ANXA7: variants seen among roughly 807,000 people sequenced by gnomAD.
ANXA7 encodes annexin VII.
In ANXA7, 55 loss-of-function variants were observed where a neutral mutation model predicts 64.9. The observed-to-expected ratio is 0.85, with a 90% confidence interval of 0.68 to 1.06. The LOEUF (loss-of-function observed/expected upper bound fraction) is 1.06, where lower values mean the gene tolerates loss of function less well. ANXA7 is among the 50% of genes least tolerant of loss of function. The pLI is 0.00. For missense variants in ANXA7, 548 were observed against 582.1 expected (o/e 0.94, Z 0.60); for synonymous variants, 200 against 192.4 (o/e 1.04, Z -0.33).
intron 5 of ANXA7, among the ~76,000 whole-genome samples, chr10:73,391,028 C>T (rs904685675): frequency 4.0e-4 from 61 of 151,534 alleles, no homozygotes; most frequent in African/African-American, 1.3e-3. Context: ...AAATGCTGGG[C>T]GTGGTGGTGC....
At chr10:73,378,861 A>G (rs2055227747) in intron 12 of ANXA7, 50 bp downstream of exon 12, 1 of 1,395,486 alleles carries the variant, frequency 7.2e-7, no homozygotes, top group African/African-American at 1.4e-5. Context: ...TTAAGAAATC[A>G]ACATTGAACA....
chr10:73,407,930 G>A (rs944085131), intron 1 of ANXA7, among the ~76,000 whole-genome samples: 1 of 152,140 alleles, frequency 6.6e-6, no homozygotes, highest in Non-Finnish European at 1.5e-5. Context: ...CCAAAGGGCT[G>A]GATATAAAAA....
intron 1 of ANXA7, among the ~76,000 whole-genome samples, chr10:73,410,815 G>T: frequency 6.8e-6 from 1 of 147,924 alleles, no homozygotes; most frequent in South Asian, 2.1e-4. Flanking sequence ...AAAAACAATA[G>T]ATGTTGGTGT....
rs59482006 is a variant in ANXA7, at chr10:73,404,708, C to CTATATATATA, written c.-1-3861_-1-3852dup. Among the ~76,000 whole-genome samples the CTATATATATA allele has an allele frequency of 1.5e-4, 21 of 143,890 alleles. No individual in the cohort carries two copies. In the South Asian group the frequency reaches 1.6e-3, roughly 11 times the overall value. The allele number at this position is 143,890 out of a possible 152,430, so 94.4% of individuals were successfully genotyped here. Reference sequence around the variant, plus strand: ...CTAGTGTGGATAAAGACAAATATCCCTATATATATATATATATATATCTTT... The same window carrying CTATATATATA: ...CTAGTGTGGATAAAGACAAATATCCCTATATATATATATATATATATATATATATATCTTT... On this transcript the variant is annotated intron_variant, in intron 1 of 12. Transcript: ENST00000372921.
At chr10:73,408,776 C>T (rs185818425) in intron 1 of ANXA7, among the ~76,000 whole-genome samples, 4 of 152,272 alleles carry the variant, frequency 2.6e-5, no homozygotes, top group African/African-American at 7.2e-5. Flanking sequence ...AGGCTATTCA[C>T]TGCAGCATTT....
At position 73,375,543 on chromosome 10, in the gene ANXA7, C is replaced by T. The variant is rs2055156345; in HGVS notation, c.*552G>A. On this transcript the variant is annotated 3_prime_UTR_variant, in exon 13 of 13. Transcript: ENST00000372921. ...ATCTTAAGCATATAAACATTTGACCCTTTCTTAAAAGGTGCCACAGGTAAT... is the reference window on the plus strand; with the variant it reads ...ATCTTAAGCATATAAACATTTGACCTTTTCTTAAAAGGTGCCACAGGTAAT... The T allele has an allele frequency of 6.6e-6, 1 of 152,086 alleles. No individual in the cohort carries two copies. Among genetic ancestry groups the T allele is most frequent in the South Asian group, 2.1e-4 (1 of 4,830 alleles). The allele number at this position is 152,086 out of a possible 1,614,324, so 9.4% of individuals were successfully genotyped here.
intron 9 of ANXA7, 83 bp downstream of exon 9, chr10:73,383,092 A>G: frequency 7.7e-7 from 1 of 1,298,168 alleles, no homozygotes; most frequent in Non-Finnish European, 1.1e-6. Context: ...CTAAATATTA[A>G]AAGGAATAAA....
Position 73,398,441 on chromosome 10 carries a change from C to A in ANXA7, c.55-56G>T. 4 of 1,475,338 alleles carry A rather than the reference C, an allele frequency of 2.7e-6. No individual in the cohort carries two copies. In the South Asian group the frequency reaches 3.6e-5, roughly 13 times the overall value. The allele number at this position is 1,475,338 out of a possible 1,614,324, so 91.4% of individuals were successfully genotyped here. A position where few individuals can be genotyped will look rare whatever the true frequency, so the allele number is the denominator to read the frequency against. ...ACGATCATAGAGAAATATGACCCAT[C>A]TAAAAATAAGGAACAAACAGAGGTT... On this transcript the variant is annotated intron_variant, in intron 2 of 12. Transcript: ENST00000372921.
intron 11 of ANXA7, 26 bp downstream of exon 11, chr10:73,379,853 T>G (rs771802789): frequency 6.2e-7 from 1 of 1,605,780 alleles, no homozygotes; most frequent in Non-Finnish European, 8.5e-7. Context: ...AAAAAGAAAA[T>G]AAAGCAAAGC....
intron 1 of ANXA7, among the ~76,000 whole-genome samples, chr10:73,408,775 A>G (rs1267668787): frequency 6.6e-6 from 1 of 152,240 alleles, no homozygotes; most frequent in East Asian, 1.9e-4. Flanking sequence ...AAGGCTATTC[A>G]CTGCAGCATT....
Position 73,398,269 on chromosome 10 carries a change from A to G in ANXA7, c.171T>C (p.Ala57=), listed in dbSNP as rs1389733182. The change falls in exon 3 of 13, where the codon GCT becomes GCC. Residue 57 remains alanine, a synonymous_variant. Transcript: ENST00000372921. The stretch of plus-strand genomic sequence containing the variant: ...AACCTCCAGGCGCAGGGTAGCCTCC[A>G]GCTCCTGGGTAGCCACTACTTGGCA... ...PQVPSSGYPG[A]GGYPAPGGYP... The G allele has an allele frequency of 6.2e-7, 1 of 1,614,092 alleles. No homozygotes were observed. Among genetic ancestry groups the G allele is most frequent in the Admixed American group, 1.7e-5 (1 of 60,016 alleles).
intron 4 of ANXA7, 37 bp downstream of exon 4, chr10:73,397,127 T>C (rs372213082): frequency 8.3e-7 from 1 of 1,210,296 alleles, no homozygotes; most frequent in Non-Finnish European, 1.1e-6. Context: ...ACTCAAAATA[T>C]CATGATACTG....
At chr10:73,388,465 A>C in intron 5 of ANXA7, 51 bp from the exon 6 acceptor site, 1 of 1,404,742 alleles carries the variant, frequency 7.1e-7, no homozygotes, top group Non-Finnish European at 1.0e-6. Flanking sequence ...TAAGTTTCTA[A>C]TGAGGAAACT....
rs777471346 is a variant in ANXA7 at position 73,380,179 on chromosome 10, C to T, written c.941G>A (p.Ser314Asn). Residue 314 changes from serine (S) to asparagine (N), a missense_variant, in exon 10 of 13, where the codon AGT becomes AAT. Ser to Asn is a conservative substitution (Grantham distance 46). Coordinates refer to ENST00000372921, the MANE Select transcript of ANXA7 (RefSeq NM_001156.5). The stretch of plus-strand genomic sequence containing the variant: ...TTCCTGAGCCATTTGGTGGTTTATA[C>T]TCTGGTTCTCATCACGATTTCCCTG... ...MCQGNRDENQ[S>N]INHQMAQEDA... The T allele has an allele frequency of 2.5e-6, 4 of 1,610,808 alleles. No homozygotes were observed. In the African/African-American group the frequency reaches 5.4e-5, roughly 22 times the overall value.
intron 5 of ANXA7, among the ~76,000 whole-genome samples, chr10:73,390,527 T>G (rs2055453385): frequency 6.6e-6 from 1 of 151,966 alleles, no homozygotes; most frequent in Admixed American, 6.6e-5. Flanking sequence ...TAAAAAAATT[T>G]TATAAGCCTT....
At chr10:73,377,779 T>G (rs1021955716) in intron 12 of ANXA7, among the ~76,000 whole-genome samples, 43 of 147,936 alleles carry the variant, frequency 2.9e-4, no homozygotes, top group African/African-American at 3.8e-4. Flanking sequence ...TGTGGGTGTG[T>G]GTGTGTGTGT....
intron 5 of ANXA7, among the ~76,000 whole-genome samples, chr10:73,389,272 C>T (rs919455473): frequency 2.0e-5 from 3 of 152,144 alleles, no homozygotes; most frequent in Admixed American, 6.6e-5. Context: ...TCAAAAGCAT[C>T]AAGGGCATGA....
intron 1 of ANXA7, among the ~76,000 whole-genome samples, chr10:73,406,038 T>C (rs1362586233): frequency 1.3e-5 from 2 of 151,754 alleles, no homozygotes; most frequent in African/African-American, 4.8e-5. Flanking sequence ...TCACTGCAGC[T>C]TCCACCTCCT....
intron 5 of ANXA7, chr10:73,395,785 T>G (rs1255267213): frequency 4.1e-6 from 2 of 482,758 alleles, no homozygotes; most frequent in African/African-American, 2.4e-5. Context: ...AAACTCCATC[T>G]CAAAAAAAAA....
Sources: allele counts gnomAD v4.1 joint callset (sites outside exome capture counted in the v4.1 genomes callset), GRCh38; gene constraint gnomAD v4.1.1; transcripts MANE v1.5; gene names NCBI Gene and HGNC (gene_info 2026-07-23, HGNC 2026-07-21).